RTTN: variants seen among roughly 807,000 people sequenced by gnomAD.
The protein encoded by RTTN is rotatin.
In RTTN, 182 loss-of-function variants were observed where a neutral mutation model predicts 269.2. That is an observed-to-expected ratio of 0.68 (90% CI 0.60 to 0.76). The LOEUF (loss-of-function observed/expected upper bound fraction) is 0.76. Ranked by LOEUF, RTTN falls within the 30% of genes least tolerant of loss-of-function variation. RTTN has a pLI of 0.00. For synonymous variants in RTTN, 1,006 were observed against 963.5 expected, an observed-to-expected ratio of 1.04 and a Z score of -0.82; for missense variants, 2,545 against 2,608.6, an observed-to-expected ratio of 0.98 and a Z score of 0.53.
At chr18:70,144,284 G>A (rs999572258) in intron 18 of RTTN, among the ~76,000 whole-genome samples, 3 of 152,152 alleles carry the variant, frequency 2.0e-5, no homozygotes, top group South Asian at 2.1e-4. Context: ...TGAGAAAAGC[G>A]ACCCAGACCT....
Position 70,128,414 on chromosome 18 carries a change from C to T in RTTN, c.3087G>A (p.Trp1029Ter). 1.1e-5 allele frequency: 17 copies of T among 1,613,242 alleles called. No homozygotes were observed. The highest frequency in any genetic ancestry group is 2.2e-5 in the South Asian group (2 of 91,040). The change falls in exon 24 of 49, where the codon TGG becomes TGA. Residue 1029 changes from tryptophan to a stop codon, truncating the protein, a stop_gained. Transcript: ENST00000640769. LOFTEE classifies it high-confidence loss of function. Reference protein sequence around the residue: ...DMLRIAWNLSWYHGSDNLLKQ... With the variant: ...DMLRIAWNLS ...TCAACAGATTATCACTCCCATGATA[C>T]CATGACAGGTTCCAAGCTATTCTCA...
intron 40 of RTTN, among the ~76,000 whole-genome samples, chr18:70,034,231 A>C (rs1463678763): frequency 1.3e-5 from 2 of 151,952 alleles, no homozygotes; most frequent in African/African-American, 2.4e-5. Context: ...ATCCTGACCC[A>C]AAACTGGCAG....
chr18:70,115,992 TTTTTC>T (rs1472547922), intron 26 of RTTN, among the ~76,000 whole-genome samples: 1 of 152,004 alleles, frequency 6.6e-6, no homozygotes, highest in South Asian at 2.1e-4. Context: ...TTTTCCCAAC[TTTTTC>T]TTTTATCTTA....
chr18:70,046,176 T>C (rs1394085774), intron 40 of RTTN, among the ~76,000 whole-genome samples: 1 of 152,186 alleles, frequency 6.6e-6, no homozygotes. Context: ...ATTAAAGAGT[T>C]GGGAAATAAA....
chr18:70,176,785 T>C lies in RTTN; in HGVS notation c.1366A>G (p.Ser456Gly), dbSNP rs1442364189. ...LGETMCYHKSSISLEQPEVML... is the reference protein window; with the variant it reads ...LGETMCYHKSGISLEQPEVML... ...ACCTCTGGCTGCTCCAAACTGATAC[T>C]ACTTTTATGGTAGCACATGGTTTCT... is the stretch of plus-strand genomic sequence containing the variant. Residue 456 changes from serine (S) to glycine (G), a missense_variant, in exon 11 of 49, where the codon AGT becomes GGT. By Grantham distance (56) the Ser-to-Gly change is moderately conservative (BLOSUM62 0). Coordinates refer to ENST00000640769, the MANE Select transcript of RTTN (RefSeq NM_173630.4). The C allele has an allele frequency of 4.3e-6, 7 of 1,614,162 alleles. No homozygotes were observed. Among genetic ancestry groups the C allele is most frequent in the South Asian group, 1.1e-5 (1 of 91,076 alleles).
chr18:70,157,875 T>C (rs1320725650), intron 14 of RTTN, among the ~76,000 whole-genome samples: 3 of 151,668 alleles, frequency 2.0e-5, no homozygotes, highest in African/African-American at 7.3e-5. Context: ...AGACTACTCC[T>C]TTGAATCATC....
At chr18:70,105,133 T>C (rs1345316248) in intron 28 of RTTN, among the ~76,000 whole-genome samples, 2 of 152,184 alleles carry the variant, frequency 1.3e-5, no homozygotes, top group African/African-American at 4.8e-5. Context: ...CCTTCAGCTG[T>C]GGTGGGTTCC....
intron 35 of RTTN, 83 bp downstream of exon 35, chr18:70,065,746 T>C (rs1229552270): frequency 1.2e-6 from 1 of 840,512 alleles, no homozygotes; most frequent in Non-Finnish European, 1.8e-6. Context: ...TTTTGTTCTT[T>C]AGACATTTAC....
intron 14 of RTTN, among the ~76,000 whole-genome samples, chr18:70,151,213 T>C (rs2060529256): frequency 6.8e-6 from 1 of 148,102 alleles, no homozygotes; most frequent in South Asian, 2.1e-4. Context: ...ATACCTATTA[T>C]ATATAATTTT....
intron 40 of RTTN, among the ~76,000 whole-genome samples, chr18:70,032,301 G>A (rs1029269853): frequency 1.3e-5 from 2 of 152,120 alleles, no homozygotes; most frequent in African/African-American, 2.4e-5. Flanking sequence ...TCCCAGGTAC[G>A]GGCCCATACG....
At chr18:70,110,222 C>A (rs2059426522) in intron 27 of RTTN, among the ~76,000 whole-genome samples, 1 of 150,332 alleles carries the variant, frequency 6.7e-6, no homozygotes, top group Non-Finnish European at 1.5e-5. Flanking sequence ...CATAGTGAGA[C>A]CCCCATCCCT....
In RTTN at chr18:70,134,553, A is replaced by C; in HGVS notation, c.2886-12T>G. On this transcript the variant is annotated splice_polypyrimidine_tract_variant and intron_variant, in intron 22 of 48. Transcript: ENST00000640769. ...AAGGATTAACAGACCTATTTCATAA[A>C]AGAAAAACAAAAACAAAGAAACAAC... 1 of 1,589,984 alleles carries C rather than the reference A, an allele frequency of 6.3e-7. No homozygotes were observed. The highest frequency in any genetic ancestry group is 8.6e-7 in the Non-Finnish European group (1 of 1,168,520).
At position 70,149,963 on chromosome 18, in the gene RTTN, C is replaced by G. The variant is rs368823357; in HGVS notation, c.2172+8G>C. 1.4e-5 allele frequency: 22 copies of G among 1,564,326 alleles called. No homozygotes were observed. The highest frequency in any genetic ancestry group is 2.2e-5 in the East Asian group (1 of 44,568). ...ATGGTATCATAAAAAGTGAATTTCA[C>G]AGAATACCTGTAGTATTGGGATGAC... is the stretch of plus-strand genomic sequence containing the variant. On this transcript the variant is annotated splice_region_variant and intron_variant, in intron 16 of 48. Transcript: ENST00000640769.
chr18:70,171,388 T>G (rs2061138893), intron 11 of RTTN, among the ~76,000 whole-genome samples: 1 of 152,168 alleles, frequency 6.6e-6, no homozygotes, highest in South Asian at 2.1e-4. Context: ...CTGTGAGAAT[T>G]AAACAAGCAT....
At position 70,008,205 on chromosome 18, in the gene RTTN, T is replaced by A. The variant is rs553747641; in HGVS notation, c.6422-1721A>T. ...AACTAACAAACAGAAAGGAATAGCA[T>A]CAACATCAACCAAAAGGACATCCAC... On this transcript the variant is annotated intron_variant, in intron 46 of 48. Transcript: ENST00000640769. 2.0e-5 allele frequency: 3 copies of A among 152,090 alleles called. No homozygotes were observed. The South Asian group carries it at 6.2e-4, about 32-fold the overall frequency. 9.4% of individuals were successfully genotyped at this position (152,090 alleles called of 1,614,324 possible). A position where few individuals can be genotyped will look rare whatever the true frequency, so the allele number is the denominator to read the frequency against.
At chr18:70,020,486 T>C in intron 45 of RTTN, 129 bp downstream of exon 45, 1 of 947,478 alleles carries the variant, frequency 1.1e-6, no homozygotes, top group South Asian at 1.7e-5. Context: ...CTCTTAACCC[T>C]TTTATAATCC....
intron 28 of RTTN, among the ~76,000 whole-genome samples, chr18:70,101,445 C>A (rs1297451865): frequency 6.6e-6 from 1 of 151,980 alleles, no homozygotes; most frequent in Non-Finnish European, 1.5e-5. Flanking sequence ...TTTTTTATTG[C>A]ATCTATTTGA....
At chr18:70,115,882 T>C (rs1014335099) in intron 26 of RTTN, among the ~76,000 whole-genome samples, 1 of 151,958 alleles carries the variant, frequency 6.6e-6, no homozygotes, top group East Asian at 1.9e-4. Context: ...TTATAGTATA[T>C]AGAGATATAT....
intron 31 of RTTN, among the ~76,000 whole-genome samples, chr18:70,087,000 C>T (rs1025659731): frequency 7.2e-5 from 11 of 152,098 alleles, no homozygotes; most frequent in Middle Eastern, 6.8e-3. Flanking sequence ...ATAAATTCTT[C>T]TGGTAGCATT....
Sources: allele counts gnomAD v4.1 joint callset (sites outside exome capture counted in the v4.1 genomes callset), GRCh38; gene constraint gnomAD v4.1.1; transcripts MANE v1.5; gene names NCBI Gene and HGNC (gene_info 2026-07-23, HGNC 2026-07-21).